The following PRKG1 variants were observed in gnomAD, a reference collection of about 807,000 sequenced individuals.
PRKG1 encodes the protein protein kinase cGMP-dependent 1, also known as cGMP-dependent protein kinase 1.
In PRKG1, 35 loss-of-function variants were observed where a neutral mutation model predicts 88.1. The ratio of observed to expected loss-of-function variants is 0.40; its 90% CI spans 0.30 to 0.53. PRKG1 has a LOEUF of 0.53. PRKG1 is among the 20% of genes least tolerant of loss of function. The probability of loss-of-function intolerance (pLI) is 0.59; values close to 1 mark genes in which losing one functional copy is unlikely to be tolerated. For synonymous variants in PRKG1, 303 were observed against 292.5 expected, an observed-to-expected ratio of 1.04 and a Z score of -0.37; for missense variants, 540 against 839.8, an observed-to-expected ratio of 0.64 and a Z score of 4.41.
intron 5 of PRKG1, among the ~76,000 whole-genome samples, chr10:51,959,765 G>A (rs1843400615): frequency 6.6e-6 from 1 of 152,118 alleles, no homozygotes; most frequent in Non-Finnish European, 1.5e-5. Context: ...ATGATGCCAA[G>A]ATTTCTAACT....
At chr10:51,102,965 A>G (rs9414816) in intron 1 of PRKG1, among the ~76,000 whole-genome samples, 117,320 of 151,946 alleles carry the variant, frequency 0.77, 45,898 homozygotes, top group East Asian at 0.86. Flanking sequence ...ATAGTATATG[A>G]ATGGAACAAG....
intron 2 of PRKG1, among the ~76,000 whole-genome samples, chr10:51,220,708 A>G (rs902545552): frequency 6.6e-6 from 1 of 152,206 alleles, no homozygotes; most frequent in Non-Finnish European, 1.5e-5. Flanking sequence ...ACTTATATCT[A>G]TCTAAGGATC....
chr10:52,223,397 G>T (rs1246019240), intron 9 of PRKG1, among the ~76,000 whole-genome samples: 1 of 151,964 alleles, frequency 6.6e-6, no homozygotes, highest in Non-Finnish European at 1.5e-5. Context: ...TCTTCACTTG[G>T]GTACTAGAAC....
intron 9 of PRKG1, chr10:52,231,025 A>G (rs1214700251): frequency 6.6e-6 from 1 of 152,244 alleles, no homozygotes; most frequent in Admixed American, 6.5e-5. Context: ...ATAAACTTCA[A>G]TAATTTGAAT....
intron 2 of PRKG1, among the ~76,000 whole-genome samples, chr10:51,351,823 T>C (rs1460955499): frequency 1.3e-5 from 2 of 152,216 alleles, no homozygotes; most frequent in Non-Finnish European, 2.9e-5. Flanking sequence ...TGCCCATGCC[T>C]ATGTCCTGAA....
At chr10:51,211,162 T>C (rs554308711) in intron 2 of PRKG1, among the ~76,000 whole-genome samples, 2,625 of 151,406 alleles carry the variant, frequency 0.017, 38 homozygotes, top group Middle Eastern at 0.045. Context: ...TGGTTCAACA[T>C]ACGAAAATCG....
chr10:51,125,860 C>A (rs1845384412), intron 1 of PRKG1, among the ~76,000 whole-genome samples: 2 of 135,742 alleles, frequency 1.5e-5, no homozygotes, highest in African/African-American at 2.7e-5. Flanking sequence ...ATAATTATAA[C>A]TATATAATTT....
chr10:51,754,184 T>G (rs1236212464), intron 3 of PRKG1, among the ~76,000 whole-genome samples: 1 of 152,150 alleles, frequency 6.6e-6, no homozygotes, highest in African/African-American at 2.4e-5. Context: ...CTGATGAAAG[T>G]CTTACTCAGG....
chr10:51,807,053 T>C (rs1322595049), intron 4 of PRKG1, among the ~76,000 whole-genome samples: 1 of 152,238 alleles, frequency 6.6e-6, no homozygotes, highest in African/African-American at 2.4e-5. Flanking sequence ...CTTTGGTTTA[T>C]TGTAATTTGA....
intron 4 of PRKG1, among the ~76,000 whole-genome samples, chr10:51,867,275 T>C (rs1358022343): frequency 1.3e-5 from 2 of 152,180 alleles, no homozygotes; most frequent in Admixed American, 6.6e-5. Flanking sequence ...AGCGGAATAG[T>C]GCATGAAGGA....
At chr10:51,187,467 T>G (rs1182957225) in intron 2 of PRKG1, among the ~76,000 whole-genome samples, 4 of 152,006 alleles carry the variant, frequency 2.6e-5, no homozygotes, top group Non-Finnish European at 5.9e-5. Context: ...AAGTTGACCT[T>G]TTTTCCTTGT....
In PRKG1 at chr10:52,149,300, T is replaced by C. The variant is rs1424584697; in HGVS notation, c.1002-12589T>C. Among the ~76,000 whole-genome samples the C allele has an allele frequency of 2.0e-5, 3 of 151,850 alleles. No homozygotes were observed. In the East Asian group the frequency reaches 5.8e-4, roughly 29 times the overall value. ...GTTCTTTTTATGAACCTTTCAAAAA[T>C]TACAAATGAAAATCATATTAAATAG... On this transcript the variant is annotated intron_variant, in intron 8 of 17. Coordinates refer to ENST00000373980, the MANE Select transcript of PRKG1 (RefSeq NM_006258.4).
At chr10:51,771,639 TTAAA>T (rs1838307899) in intron 3 of PRKG1, among the ~76,000 whole-genome samples, 1 of 152,194 alleles carries the variant, frequency 6.6e-6, no homozygotes, top group African/African-American at 2.4e-5. Flanking sequence ...TATAACATCA[TTAAA>T]TAAATAAGCT....
chr10:52,262,316 G>T (rs868117498), intron 10 of PRKG1, among the ~76,000 whole-genome samples: 2 of 152,128 alleles, frequency 1.3e-5, no homozygotes, highest in Admixed American at 1.3e-4. Context: ...CTGTTGCCCA[G>T]GCTGGAGTAC....
chr10:52,188,776 A>G (rs2132749176), intron 9 of PRKG1, among the ~76,000 whole-genome samples: 1 of 152,288 alleles, frequency 6.6e-6, no homozygotes, highest in African/African-American at 2.4e-5. Context: ...AAAATAATGT[A>G]AGAGAGACAA....
At chr10:51,282,139 T>C (rs1235083670) in intron 2 of PRKG1, among the ~76,000 whole-genome samples, 1 of 151,750 alleles carries the variant, frequency 6.6e-6, no homozygotes, top group African/African-American at 2.4e-5. Flanking sequence ...GCTTTGACGT[T>C]GGAGGACAAA....
intron 2 of PRKG1, among the ~76,000 whole-genome samples, chr10:51,171,556 T>A (rs111262734): frequency 2.2e-4 from 34 of 152,082 alleles, no homozygotes; most frequent in African/African-American, 7.5e-4. Context: ...GGAAGAAAGA[T>A]AAATGACAGG....
intron 2 of PRKG1, among the ~76,000 whole-genome samples, chr10:51,316,946 T>C (rs1290680849): frequency 6.6e-6 from 1 of 152,160 alleles, no homozygotes; most frequent in Admixed American, 6.5e-5. Flanking sequence ...TAAAATGAAC[T>C]CTTGACTTTT....
chr10:51,682,694 T>C (rs1273625577), intron 3 of PRKG1, among the ~76,000 whole-genome samples: 1 of 152,140 alleles, frequency 6.6e-6, no homozygotes, highest in African/African-American at 2.4e-5. Flanking sequence ...CCCTTGGAGG[T>C]AGTTTGTCCA....
Sources: allele counts gnomAD v4.1 joint callset (sites outside exome capture counted in the v4.1 genomes callset), GRCh38; gene constraint gnomAD v4.1.1; transcripts MANE v1.5; gene names NCBI Gene and HGNC (gene_info 2026-07-23, HGNC 2026-07-21).